Variants in LPP observed in about 807,000 individuals in gnomAD.
The protein encoded by LPP is lipoma-preferred partner.
A neutral mutation model predicts 60.4 loss-of-function variants in LPP; 38 were observed. That is an observed-to-expected ratio of 0.63 (90% CI 0.49 to 0.83). The LOEUF is 0.83. Among genes scored for constraint, LPP ranks in the 40% least tolerant of loss-of-function variants. The pLI is 0.00. For synonymous variants in LPP, 328 were observed against 290.8 expected (o/e 1.13, Z -1.30); for missense variants, 902 against 783.6 (o/e 1.15, Z -1.80).
At chr3:188,366,498 C>A (rs1396134317) in intron 3 of LPP, among the ~76,000 whole-genome samples, 6 of 152,162 alleles carry the variant, frequency 3.9e-5, no homozygotes, top group Admixed American at 6.5e-5. Flanking sequence ...GTCCTTCCTG[C>A]CTTCCTCAAT....
At chr3:188,782,657 G>A (rs1376400973) in intron 9 of LPP, among the ~76,000 whole-genome samples, 1 of 151,140 alleles carries the variant, frequency 6.6e-6, no homozygotes, top group South Asian at 2.1e-4. Context: ...TCTCTCTCCT[G>A]TTATACCCTC....
At chr3:188,795,283 A>G (rs6444329) in intron 9 of LPP, among the ~76,000 whole-genome samples, 105,808 of 152,152 alleles carry the variant, frequency 0.7, 37,112 homozygotes, top group East Asian at 0.91. Flanking sequence ...AATTCTAACT[A>G]CTCTAGCAAA....
chr3:188,787,171 G>C (rs1742190404), intron 9 of LPP, among the ~76,000 whole-genome samples: 1 of 152,054 alleles, frequency 6.6e-6, no homozygotes, highest in Non-Finnish European at 1.5e-5. Context: ...CTCATATTCT[G>C]GCTGTAATAT....
intron 2 of LPP, among the ~76,000 whole-genome samples, chr3:188,337,781 C>T (rs553975654): frequency 2.6e-5 from 4 of 152,270 alleles, no homozygotes; most frequent in East Asian, 1.9e-4. Context: ...ACTACAGGCA[C>T]GAACCATCGT....
At chr3:188,653,484 G>A (rs776338183) in intron 7 of LPP, among the ~76,000 whole-genome samples, 2 of 151,942 alleles carry the variant, frequency 1.3e-5, no homozygotes, top group Admixed American at 6.6e-5. Context: ...ATGAGAGAAT[G>A]AATTCCTGAG....
Position 188,874,495 on chromosome 3 carries a change from C to A in LPP, c.*16C>A. On this transcript the variant is annotated 3_prime_UTR_variant, in exon 12 of 12. Transcript: ENST00000617246. ...TGACCTTTAGATTCAGTCACCTGTTCAGCCGGCACTGAGAAGAACGAACAC... is the reference window on the plus strand; with the variant it reads ...TGACCTTTAGATTCAGTCACCTGTTAAGCCGGCACTGAGAAGAACGAACAC... 1 of 1,612,090 alleles carries A rather than the reference C, an allele frequency of 6.2e-7. No homozygotes were observed. Among genetic ancestry groups the A allele is most frequent in the Non-Finnish European group, 8.5e-7 (1 of 1,178,544 alleles).
chr3:188,298,004 G>C (rs1235901777), intron 2 of LPP, among the ~76,000 whole-genome samples: 1 of 152,108 alleles, frequency 6.6e-6, no homozygotes, highest in Non-Finnish European at 1.5e-5. Flanking sequence ...AATAATTAAA[G>C]TAATTTACAG....
chr3:188,494,238 A>G (rs1809275788), intron 5 of LPP, among the ~76,000 whole-genome samples: 1 of 152,136 alleles, frequency 6.6e-6, no homozygotes, highest in Non-Finnish European at 1.5e-5. Context: ...TTGGGGATTC[A>G]TAGGCAGGTA....
At chr3:188,296,017 G>A (rs142215003) in intron 2 of LPP, among the ~76,000 whole-genome samples, 6 of 152,278 alleles carry the variant, frequency 3.9e-5, no homozygotes, top group Admixed American at 3.9e-4. Flanking sequence ...AGGTGTGCCT[G>A]GAATGATGAA....
chr3:188,345,014 T>C (rs1763956213), intron 3 of LPP, among the ~76,000 whole-genome samples: 2 of 152,190 alleles, frequency 1.3e-5, no homozygotes, highest in Admixed American at 6.5e-5. Flanking sequence ...AGAGGGGACT[T>C]CACGAAGTAA....
At chr3:188,166,205 T>C (rs1719908258) in intron 1 of LPP, among the ~76,000 whole-genome samples, 1 of 152,180 alleles carries the variant, frequency 6.6e-6, no homozygotes. Flanking sequence ...GTTTTTTAAA[T>C]TTAATTCCTG....
rs1162023845 is a variant in LPP, at chr3:188,874,700, G to A, written c.*221G>A. 9 of 486,766 alleles carry A rather than the reference G, an allele frequency of 1.8e-5. No individual in the cohort carries two copies. Among genetic ancestry groups the A allele is most frequent in the African/African-American group, 5.7e-5 (3 of 52,602 alleles). 30.2% of individuals were successfully genotyped at this position (486,766 alleles called of 1,614,324 possible). A position where few individuals can be genotyped will look rare whatever the true frequency, so the allele number is the denominator to read the frequency against. The stretch of plus-strand genomic sequence containing the variant: ...GATCTTGATGGGCCTTTGTTCCCAA[G>A]GACTTCCACATTTTTGCACAGATTA... On this transcript the variant is annotated 3_prime_UTR_variant, in exon 12 of 12. Transcript: ENST00000617246.
chr3:188,860,036 T>A (rs1381788407), intron 9 of LPP, among the ~76,000 whole-genome samples: 2 of 151,962 alleles, frequency 1.3e-5, no homozygotes, highest in African/African-American at 4.8e-5. Context: ...TAGACTTAGA[T>A]TAAGATATAG....
At chr3:188,617,719 A>C (rs1489781276) in intron 7 of LPP, among the ~76,000 whole-genome samples, 1 of 152,192 alleles carries the variant, frequency 6.6e-6, no homozygotes, top group Non-Finnish European at 1.5e-5. Flanking sequence ...TGGTTGTTTA[A>C]AAATACCCCA....
At chr3:188,555,788 G>A (rs778625993) in intron 6 of LPP, among the ~76,000 whole-genome samples, 1 of 152,196 alleles carries the variant, frequency 6.6e-6, no homozygotes, top group East Asian at 1.9e-4. Flanking sequence ...TGGTTGAGTA[G>A]ACAGCTGTAT....
intron 9 of LPP, among the ~76,000 whole-genome samples, chr3:188,798,132 T>C (rs533322854): frequency 1.3e-5 from 2 of 152,270 alleles, no homozygotes; most frequent in Admixed American, 6.5e-5. Context: ...GCATGACATA[T>C]AAAATATAAG....
At chr3:188,510,057 G>GTAAA (rs1245775438) in intron 5 of LPP, among the ~76,000 whole-genome samples, 1 of 151,888 alleles carries the variant, frequency 6.6e-6, no homozygotes, top group African/African-American at 2.4e-5. Flanking sequence ...CTGTCACTGA[G>GTAAA]TAAATAGTAG....
At chr3:188,511,006 A>G (rs1029037515) in intron 5 of LPP, among the ~76,000 whole-genome samples, 4 of 151,538 alleles carry the variant, frequency 2.6e-5, no homozygotes, top group African/African-American at 9.7e-5. Flanking sequence ...AGCTCTTGGC[A>G]GAGAACCCCT....
intron 9 of LPP, among the ~76,000 whole-genome samples, chr3:188,823,704 A>G (rs1406107229): frequency 6.6e-6 from 1 of 152,212 alleles, no homozygotes; most frequent in Non-Finnish European, 1.5e-5. Context: ...GTAGAATGAC[A>G]GTGGTCAGTT....
Sources: gnomAD v4.1 joint callset for allele counts (sites outside exome capture counted in the v4.1 genomes callset) on GRCh38, gnomAD v4.1.1 for gene constraint, MANE v1.5 for transcripts, NCBI Gene and HGNC (gene_info 2026-07-23, HGNC 2026-07-21) for gene names.